Variants in CNBD1 observed in about 807,000 individuals in gnomAD.
CNBD1 encodes the protein cyclic nucleotide-binding domain-containing protein 1.
A neutral mutation model predicts 54.4 loss-of-function variants in CNBD1; 71 were observed. The observed-to-expected ratio is 1.30, with a 90% CI of 1.08 to 1.59. The LOEUF is 1.59. Among genes scored for constraint, CNBD1 ranks in the 40% most tolerant of loss-of-function variants. CNBD1 has a pLI of 0.00. For missense variants in CNBD1, 659 were observed against 518.0 expected, an observed-to-expected ratio of 1.27 and a Z score of -2.64; for synonymous variants, 182 against 170.7, an observed-to-expected ratio of 1.07 and a Z score of -0.51.
chr8:87,304,179 A>T (rs1206140694), intron 8 of CNBD1, among the ~76,000 whole-genome samples: 3 of 151,954 alleles, frequency 2.0e-5, no homozygotes, highest in Non-Finnish European at 2.9e-5. Flanking sequence ...ATAAAGACAC[A>T]TGCACACGTA....
At chr8:86,917,383 T>C (rs778537924) in intron 3 of CNBD1, among the ~76,000 whole-genome samples, 1 of 152,140 alleles carries the variant, frequency 6.6e-6, no homozygotes, top group Admixed American at 6.5e-5. Flanking sequence ...AAGACCTAAA[T>C]TGGGCTCAAC....
chr8:87,386,105 C>T (rs560809628), downstream of CNBD1, among the ~76,000 whole-genome samples: 19 of 152,214 alleles, frequency 1.2e-4, no homozygotes, highest in Non-Finnish European at 2.4e-4. Context: ...CACCAAAACC[C>T]CATCTGTGCA....
intron 4 of CNBD1, among the ~76,000 whole-genome samples, chr8:87,171,837 C>T (rs1057121087): frequency 3.9e-5 from 6 of 151,994 alleles, no homozygotes; most frequent in Non-Finnish European, 8.8e-5. Flanking sequence ...TGGGGTTTCA[C>T]CATCTTGGCC....
intron 4 of CNBD1, among the ~76,000 whole-genome samples, chr8:87,179,908 G>A (rs1813277678): frequency 1.3e-5 from 2 of 152,102 alleles, no homozygotes; most frequent in Non-Finnish European, 2.9e-5. Flanking sequence ...CTAACAAACA[G>A]GATGTCACCA....
chr8:87,264,431 C>G (rs1808206635), intron 6 of CNBD1, among the ~76,000 whole-genome samples: 1 of 152,154 alleles, frequency 6.6e-6, no homozygotes, highest in South Asian at 2.1e-4. Context: ...CAAGTCTTTG[C>G]TATTGTGAAT....
At chr8:86,901,257 A>G (rs952562827) in intron 2 of CNBD1, among the ~76,000 whole-genome samples, 2 of 152,124 alleles carry the variant, frequency 1.3e-5, no homozygotes, top group African/African-American at 4.8e-5. Context: ...TGCCTCCTTT[A>G]TCAGGATATC....
intron 2 of CNBD1, among the ~76,000 whole-genome samples, chr8:86,901,041 A>G (rs1563815515): frequency 6.6e-6 from 1 of 152,164 alleles, no homozygotes; most frequent in African/African-American, 2.4e-5. Context: ...TTTCCAAAAA[A>G]TTTTTAAATA....
At chr8:87,198,484 C>CA (rs1192105945) in intron 4 of CNBD1, among the ~76,000 whole-genome samples, 2 of 151,518 alleles carry the variant, frequency 1.3e-5, no homozygotes, top group Admixed American at 6.6e-5. Flanking sequence ...TATATGGAAA[C>CA]AAAAAAAAGC....
intron 4 of CNBD1, among the ~76,000 whole-genome samples, chr8:87,200,069 AT>A: frequency 6.6e-6 from 1 of 152,286 alleles, no homozygotes; most frequent in East Asian, 1.9e-4. Context: ...AATAAAAAAA[AT>A]AAAAACAATA....
At chr8:86,924,198 G>T (rs1415451136) in intron 3 of CNBD1, among the ~76,000 whole-genome samples, 1 of 152,118 alleles carries the variant, frequency 6.6e-6, no homozygotes, top group African/African-American at 2.4e-5. Context: ...AAAGGAAAAA[G>T]AAATTCTGAA....
chr8:87,384,196 G>T (rs1213500380), downstream of CNBD1, among the ~76,000 whole-genome samples: 1 of 151,988 alleles, frequency 6.6e-6, no homozygotes, highest in East Asian at 1.9e-4. Context: ...ATGGACCCCT[G>T]CTAAATTTGG....
At chr8:87,410,162 A>G (rs1265297561) in intron 2 of CNBD1, among the ~76,000 whole-genome samples, 1 of 152,174 alleles carries the variant, frequency 6.6e-6, no homozygotes, top group East Asian at 1.9e-4. Context: ...TGCTCAGAAG[A>G]AAAGATTCAT....
intron 4 of CNBD1, among the ~76,000 whole-genome samples, chr8:87,115,963 A>C (rs1435582990): frequency 6.6e-6 from 1 of 152,048 alleles, no homozygotes; most frequent in Non-Finnish European, 1.5e-5. Context: ...CAATCCTTAG[A>C]TCATCCTAAC....
chr8:87,142,575 A>T (rs1489186367), intron 4 of CNBD1, among the ~76,000 whole-genome samples: 1 of 152,150 alleles, frequency 6.6e-6, no homozygotes, highest in Admixed American at 6.5e-5. Context: ...TAAAACATAA[A>T]AATTACATTA....
At chr8:87,306,565 T>C (rs1054975326) in intron 8 of CNBD1, among the ~76,000 whole-genome samples, 4 of 152,196 alleles carry the variant, frequency 2.6e-5, no homozygotes, top group Non-Finnish European at 5.9e-5. Context: ...TAGTATATGA[T>C]GGAATACTAC....
intron 8 of CNBD1, among the ~76,000 whole-genome samples, chr8:87,290,496 A>G (rs1288218225): frequency 1.3e-5 from 2 of 152,170 alleles, no homozygotes; most frequent in East Asian, 1.9e-4. Context: ...TGAGTAAGAG[A>G]AGAATGGATA....
At chr8:86,967,314 G>A (rs772995418) in intron 4 of CNBD1, among the ~76,000 whole-genome samples, 23 of 152,368 alleles carry the variant, frequency 1.5e-4, no homozygotes, top group Admixed American at 9.8e-4. Flanking sequence ...GCACAAGAAG[G>A]CTCGGATACA....
At chr8:86,889,348 A>G (rs1446314836) in intron 2 of CNBD1, among the ~76,000 whole-genome samples, 1 of 152,218 alleles carries the variant, frequency 6.6e-6, no homozygotes, top group African/African-American at 2.4e-5. Context: ...TACCAGAAAT[A>G]CATTCACAGG....
chr8:87,251,595 G>GAAAAAA (rs34264085), intron 6 of CNBD1, among the ~76,000 whole-genome samples: 2 of 135,390 alleles, frequency 1.5e-5, no homozygotes, highest in African/African-American at 2.7e-5. Flanking sequence ...TCTCAAAAAA[G>GAAAAAA]AAAAAAAAAA....
Sources: gnomAD v4.1 joint callset for allele counts (sites outside exome capture counted in the v4.1 genomes callset) on GRCh38, gnomAD v4.1.1 for gene constraint, MANE v1.5 for transcripts, NCBI Gene and HGNC (gene_info 2026-07-23, HGNC 2026-07-21) for gene names.